RERE: variants seen among roughly 807,000 people sequenced by gnomAD.
The protein encoded by RERE is arginine-glutamic acid dipeptide repeats protein.
RERE carries 40 observed loss-of-function variants against 146.1 expected under a neutral mutation model. The observed-to-expected ratio is 0.27, with a 90% CI of 0.21 to 0.36. The LOEUF is 0.36. Among genes scored for constraint, RERE ranks in the 10% least tolerant of loss-of-function variants. The probability of loss-of-function intolerance (pLI) is 1.00; values close to 1 mark genes in which losing one functional copy is unlikely to be tolerated. For missense variants in RERE, 1,933 were observed against 2,138.7 expected (o/e 0.90, Z 1.90); for synonymous variants, 1,003 against 866.0 (o/e 1.16, Z -2.78).
chr1:8,374,960 G>T (rs959531639), intron 12 of RERE, among the ~76,000 whole-genome samples: 1 of 151,972 alleles, frequency 6.6e-6, no homozygotes, highest in Non-Finnish European at 1.5e-5. Flanking sequence ...TCTTCTCCAT[G>T]AAGCCTTCCC....
At chr1:8,727,534 G>T (rs1348891447) in intron 1 of RERE, among the ~76,000 whole-genome samples, 1 of 150,438 alleles carries the variant, frequency 6.6e-6, no homozygotes, top group Non-Finnish European at 1.5e-5. Context: ...TCGCTCTGTC[G>T]CCAGGCTGTT....
chr1:8,638,844 A>G (rs1281806290), intron 2 of RERE, among the ~76,000 whole-genome samples: 3 of 131,238 alleles, frequency 2.3e-5, no homozygotes, highest in South Asian at 2.4e-4. Flanking sequence ...GCTGGAGTGC[A>G]GTGGCGCGAA....
chr1:8,607,534 C>CTTTTTTCTTTTTTTT (rs1646733411), intron 4 of RERE, among the ~76,000 whole-genome samples: 7 of 48,586 alleles, frequency 1.4e-4, no homozygotes, highest in African/African-American at 6.0e-4. Context: ...ATATATATTT[C>CTTTTTTCTTTTTTTT]TTTTTTTTTT....
intron 4 of RERE, among the ~76,000 whole-genome samples, chr1:8,572,200 G>A (rs566325266): frequency 2.2e-4 from 33 of 152,230 alleles, no homozygotes; most frequent in African/African-American, 7.9e-4. Context: ...GTATAGAGTT[G>A]TGTAACCTCC....
chr1:8,395,168 T>C (rs1393999577), intron 12 of RERE, among the ~76,000 whole-genome samples: 1 of 152,026 alleles, frequency 6.6e-6, no homozygotes, highest in Admixed American at 6.6e-5. Context: ...CTAAAAATAA[T>C]AATACCAAAG....
At chr1:8,600,138 T>C (rs766224999) in intron 4 of RERE, among the ~76,000 whole-genome samples, 1 of 152,228 alleles carries the variant, frequency 6.6e-6, no homozygotes, top group Non-Finnish European at 1.5e-5. Flanking sequence ...AACTCTCTTG[T>C]CTGCCACCAT....
At chr1:8,568,641 C>T (rs1646180830) in intron 4 of RERE, among the ~76,000 whole-genome samples, 1 of 152,162 alleles carries the variant, frequency 6.6e-6, no homozygotes, top group South Asian at 2.1e-4. Flanking sequence ...ACAAAGCCCT[C>T]CCCAGAGGCC....
intron 1 of RERE, among the ~76,000 whole-genome samples, chr1:8,708,262 C>T (rs908565079): frequency 1.3e-5 from 2 of 152,042 alleles, no homozygotes; most frequent in African/African-American, 4.8e-5. Context: ...ATGCTGTTTT[C>T]GTCATAGTGG....
rs866399602 is a variant in RERE, at chr1:8,505,972, G to A, written c.879+2655C>T. 4.9e-4 allele frequency among the ~76,000 whole-genome samples: 75 copies of A among 152,162 alleles called. 1 individual carries two copies. Among genetic ancestry groups the A allele is most frequent in the Non-Finnish European group, 3.5e-4 (24 of 68,000 alleles). ...ACCAAACATCTGATTTTAAATGGTGGTATACAAAAATCCAATCACAGTAAA... is the reference window on the plus strand; with the variant it reads ...ACCAAACATCTGATTTTAAATGGTGATATACAAAAATCCAATCACAGTAAA... On this transcript the variant is annotated intron_variant, in intron 8 of 22. Transcript: ENST00000400908.
intron 7 of RERE, among the ~76,000 whole-genome samples, chr1:8,522,389 G>C (rs1246575038): frequency 2.6e-5 from 4 of 151,950 alleles, no homozygotes; most frequent in African/African-American, 9.7e-5. Context: ...ATGCGTCTTT[G>C]GTATGAATAT....
intron 1 of RERE, among the ~76,000 whole-genome samples, chr1:8,781,027 G>C (rs1448944437): frequency 6.6e-6 from 1 of 151,626 alleles, no homozygotes; most frequent in Non-Finnish European, 1.5e-5. Context: ...GTTGAGACCA[G>C]CCTGGGCAAC....
intron 7 of RERE, among the ~76,000 whole-genome samples, chr1:8,533,135 C>T (rs1266682741): frequency 1.3e-5 from 2 of 152,188 alleles, no homozygotes; most frequent in Non-Finnish European, 1.5e-5. Context: ...TACCTATTTC[C>T]TCTTTCTTCC....
intron 9 of RERE, among the ~76,000 whole-genome samples, chr1:8,496,150 TAA>T (rs36115213): frequency 0.015 from 1,797 of 118,314 alleles, 45 homozygotes; most frequent in African/African-American, 0.056. Flanking sequence ...GACCCTGTCT[TAA>T]AAAAAAAAAA....
intron 11 of RERE, among the ~76,000 whole-genome samples, chr1:8,445,218 A>G (rs1259676029): frequency 1.3e-5 from 2 of 152,238 alleles, no homozygotes; most frequent in Non-Finnish European, 2.9e-5. Flanking sequence ...AGCTATATTT[A>G]GTCTGGTTTT....
At chr1:8,603,091 C>T (rs1646653699) in intron 4 of RERE, among the ~76,000 whole-genome samples, 1 of 152,232 alleles carries the variant, frequency 6.6e-6, no homozygotes, top group African/African-American at 2.4e-5. Context: ...AGAGGAGAGG[C>T]TCACTTTTAT....
intron 4 of RERE, among the ~76,000 whole-genome samples, chr1:8,573,797 A>T (rs1393273214): frequency 1.3e-5 from 2 of 152,160 alleles, no homozygotes; most frequent in African/African-American, 4.8e-5. Context: ...AGATAAAGCC[A>T]TTAACTGTGA....
At chr1:8,811,855 G>GC (rs1380644229) in intron 1 of RERE, among the ~76,000 whole-genome samples, 1 of 152,172 alleles carries the variant, frequency 6.6e-6, no homozygotes, top group Non-Finnish European at 1.5e-5. Context: ...TATATTTATT[G>GC]CAACACACAG....
At chr1:8,692,471 C>T (rs1193188232) in intron 1 of RERE, among the ~76,000 whole-genome samples, 3 of 151,866 alleles carry the variant, frequency 2.0e-5, no homozygotes, top group Admixed American at 6.6e-5. Flanking sequence ...CCCAGACTCC[C>T]GAGTAGCTGC....
At chr1:8,480,794 T>C (rs958993125) in intron 10 of RERE, among the ~76,000 whole-genome samples, 11 of 152,122 alleles carry the variant, frequency 7.2e-5, no homozygotes, top group African/African-American at 1.7e-4. Context: ...GCTGAAGACA[T>C]TGTGTTATTA....
Sources: gnomAD v4.1 joint callset for allele counts (sites outside exome capture counted in the v4.1 genomes callset) on GRCh38, gnomAD v4.1.1 for gene constraint, MANE v1.5 for transcripts, NCBI Gene and HGNC (gene_info 2026-07-23, HGNC 2026-07-21) for gene names.